Variants in JAK2 observed in about 807,000 individuals in gnomAD.
JAK2 encodes the protein tyrosine-protein kinase JAK2.
A neutral mutation model predicts 139.3 loss-of-function variants in JAK2; 86 were observed. The observed-to-expected ratio is 0.62, with a 90% CI of 0.52 to 0.74. JAK2 has a LOEUF of 0.74. JAK2 is among the 30% of genes least tolerant of loss of function. JAK2 has a pLI of 0.00. For missense variants in JAK2, 1,421 were observed against 1,360.3 expected (o/e 1.04, Z -0.70); for synonymous variants, 490 against 437.7 (o/e 1.12, Z -1.49).
chr9:5,051,141 G>GTTGTTTATT (rs1817387471), intron 6 of JAK2, among the ~76,000 whole-genome samples: 1 of 152,252 alleles, frequency 6.6e-6, no homozygotes, highest in South Asian at 2.1e-4. Flanking sequence ...TTGCAAGAGG[G>GTTGTTTATT]ATAGTCAACC....
chr9:5,041,511 C>T (rs958464911), intron 4 of JAK2: 13 of 563,296 alleles, frequency 2.3e-5, no homozygotes, highest in Non-Finnish European at 4.2e-5. Flanking sequence ...GGACACATAG[C>T]GCGCCACGCC....
At chr9:5,113,577 C>T (rs3824433) in intron 22 of JAK2, 55,804 of 157,228 alleles carry the variant, frequency 0.35, 10,802 homozygotes, top group African/African-American at 0.53. Context: ...TCCATCTTCC[C>T]CTTGATCCCC....
intron 22 of JAK2, among the ~76,000 whole-genome samples, chr9:5,117,773 T>G (rs1823313019): frequency 6.6e-6 from 1 of 152,148 alleles, no homozygotes; most frequent in African/African-American, 2.4e-5. Context: ...CCTCAGTAAT[T>G]TTTAAGAGTA....
intron 22 of JAK2, chr9:5,099,391 C>A (rs1197637564): frequency 6.6e-6 from 1 of 152,180 alleles, no homozygotes; most frequent in African/African-American, 2.4e-5. Flanking sequence ...GAGTCTACAC[C>A]TCTCTGCAGT....
chr9:5,107,247 A>T (rs1172234993), intron 22 of JAK2, among the ~76,000 whole-genome samples: 3 of 152,122 alleles, frequency 2.0e-5, no homozygotes, highest in African/African-American at 7.2e-5. Context: ...TAGCCTTAGT[A>T]ACCGACACCT....
chr9:5,053,785 A>G (rs1371327079), intron 6 of JAK2, among the ~76,000 whole-genome samples: 1 of 152,002 alleles, frequency 6.6e-6, no homozygotes, highest in Non-Finnish European at 1.5e-5. Flanking sequence ...TGGATTCTAC[A>G]TCTAATATGC....
At chr9:5,034,689 A>G (rs912658426) in intron 4 of JAK2, among the ~76,000 whole-genome samples, 8 of 152,118 alleles carry the variant, frequency 5.3e-5, no homozygotes, top group African/African-American at 1.9e-4. Context: ...TTTGAAACCA[A>G]CGAGAACAAA....
rs1315892676 is a variant in JAK2 at position 5,082,865 on chromosome 9, T to C, written c.2571+1004T>C. Among the ~76,000 whole-genome samples, 2 of 152,196 alleles carry C rather than the reference T, an allele frequency of 1.3e-5. 1 individual carries two copies. The highest frequency in any genetic ancestry group is 4.8e-5 in the African/African-American group (2 of 41,460). On this transcript the variant is annotated intron_variant, in intron 19 of 24. Coordinates refer to ENST00000381652, the MANE Select transcript of JAK2 (RefSeq NM_004972.4). Reference sequence around the variant, plus strand: ...AACACATATTTTTGTGAGCTTCAGGTTGGGGCAAAGTTACAGATTAACAGC... The same window carrying C: ...AACACATATTTTTGTGAGCTTCAGGCTGGGGCAAAGTTACAGATTAACAGC...
chr9:5,068,837 G>C (rs1818747095), intron 10 of JAK2, among the ~76,000 whole-genome samples, 185 bp from the exon 11 acceptor site: 1 of 152,144 alleles, frequency 6.6e-6, no homozygotes. Context: ...ACTTTTGTAG[G>C]CTGAGAAATT....
At chr9:5,003,136 GA>G (rs1213779632) in intron 2 of JAK2, among the ~76,000 whole-genome samples, 3 of 151,820 alleles carry the variant, frequency 2.0e-5, no homozygotes, top group Admixed American at 2.0e-4. Context: ...CTATCTTTAT[GA>G]TAAATCTTGA....
rs754439704 is a variant in JAK2, at chr9:5,080,235, A to C, written c.2138A>C (p.Gln713Pro). 6.2e-7 allele frequency: 1 copy of C among 1,610,220 alleles called. No individual in the cohort carries two copies. Among genetic ancestry groups the C allele is most frequent in the Non-Finnish European group, 8.5e-7 (1 of 1,177,964 alleles). ...SITVLPKDIL[Q>P]ERIPWVPPEC... ...TGTTCGTATCATTTAAAAGTTCTTCAGGAGAGAATACCATGGGTACCACCT... is the reference window on the plus strand; with the variant it reads ...TGTTCGTATCATTTAAAAGTTCTTCCGGAGAGAATACCATGGGTACCACCT... Residue 713 changes from glutamine (Q) to proline (P), a missense_variant, in exon 17 of 25, where the codon CAG becomes CCG. Physicochemically the swap from Gln to Pro is moderately conservative, Grantham distance 76. Coordinates refer to ENST00000381652, the MANE Select transcript of JAK2 (RefSeq NM_004972.4).
intron 2 of JAK2, among the ~76,000 whole-genome samples, chr9:5,013,243 T>G (rs1408497129): frequency 1.3e-5 from 2 of 152,206 alleles, no homozygotes; most frequent in African/African-American, 2.4e-5. Context: ...GGAGTGGTCT[T>G]TAGAGTACAA....
chr9:5,069,994 G>C lies in JAK2; in HGVS notation c.1583G>C (p.Arg528Thr), dbSNP rs1332075938. ...SDVPTSPTLQ[R>T]PTHMNQMVFH... Reference sequence around the variant, plus strand: ...GTACCAACCTCACCAACATTACAGAGGCCTACTCATATGAACCAAATGGTG... The same window carrying C: ...GTACCAACCTCACCAACATTACAGACGCCTACTCATATGAACCAAATGGTG... Residue 528 changes from arginine to threonine, a missense_variant, in exon 12 of 25, where the codon AGG (arginine) becomes ACG (threonine). Arg to Thr is a moderately conservative substitution (Grantham distance 71, BLOSUM62 -1). Transcript: ENST00000381652. 1.2e-6 allele frequency: 2 copies of C among 1,608,316 alleles called. No homozygotes were observed. The highest frequency in any genetic ancestry group is 1.3e-5 in the African/African-American group (1 of 74,828).
intron 2 of JAK2, among the ~76,000 whole-genome samples, chr9:4,989,832 G>T (rs1434829571): frequency 6.6e-6 from 1 of 152,154 alleles, no homozygotes; most frequent in East Asian, 1.9e-4. Context: ...TGAAAGAGTA[G>T]TAAGAAATTG....
At chr9:5,105,608 A>T (rs1029558368) in intron 22 of JAK2, among the ~76,000 whole-genome samples, 35 of 152,148 alleles carry the variant, frequency 2.3e-4, no homozygotes, top group Non-Finnish European at 1.3e-4. Context: ...CATTGCCAAG[A>T]CCATCCTAAG....
At chr9:5,090,958 C>T in intron 22 of JAK2, 47 bp downstream of exon 22, 2 of 1,281,004 alleles carry the variant, frequency 1.6e-6, no homozygotes, top group Non-Finnish European at 1.1e-6. Context: ...GCACAGACTT[C>T]AAACTTTATT....
At chr9:5,025,028 T>G (rs1023577482) in intron 3 of JAK2, among the ~76,000 whole-genome samples, 2 of 152,192 alleles carry the variant, frequency 1.3e-5, no homozygotes, top group Admixed American at 6.5e-5. Flanking sequence ...TGCACAACTT[T>G]CCTGCCATTT....
At chr9:5,066,845 C>G in intron 10 of JAK2, 56 bp downstream of exon 10, 1 of 722,064 alleles carries the variant, frequency 1.4e-6, no homozygotes. Context: ...TTAATTTCCT[C>G]TCCATATTTA....
At position 5,129,542 on chromosome 9, in the gene JAK2, G is replaced by C. The variant is rs565965793; in HGVS notation, c.*2751G>C. 1.3e-5 allele frequency among the ~76,000 whole-genome samples: 2 copies of C among 152,156 alleles called. No individual in the cohort carries two copies. The highest frequency in any genetic ancestry group is 4.8e-5 in the African/African-American group (2 of 41,520). On this transcript the variant is annotated 3_prime_UTR_variant, in exon 25 of 25. Transcript: ENST00000381652. ...TGGGGGCATAATGTACTAAGAATCAGTTTGCTGTATATTAGAATAAATAGT... is the reference window on the plus strand; with the variant it reads ...TGGGGGCATAATGTACTAAGAATCACTTTGCTGTATATTAGAATAAATAGT...
Sources: gnomAD v4.1 joint callset for allele counts (sites outside exome capture counted in the v4.1 genomes callset) on GRCh38, gnomAD v4.1.1 for gene constraint, MANE v1.5 for transcripts, NCBI Gene and HGNC (gene_info 2026-07-23, HGNC 2026-07-21) for gene names.